The following SND1 variants were observed in gnomAD, a reference collection of about 807,000 sequenced individuals.
SND1 encodes the protein staphylococcal nuclease and tudor domain containing 1, also known as staphylococcal nuclease domain-containing protein 1.
Under a neutral mutation model 121.7 loss-of-function variants are expected in SND1, and 38 were observed. The ratio of observed to expected loss-of-function variants is 0.31; its 90% confidence interval spans 0.24 to 0.41. SND1 has a LOEUF of 0.41. SND1 is among the 10% of genes least tolerant of loss of function. The pLI, the probability that SND1 is intolerant of heterozygous loss-of-function variation, is 1.00. For missense variants in SND1, 868 were observed against 1,184.6 expected (o/e 0.73, Z 3.92); for synonymous variants, 401 against 447.4 (o/e 0.90, Z 1.31).
chr7:127,807,595 C>T (rs1255030488), intron 11 of SND1, 22 bp downstream of exon 11: 5 of 1,586,530 alleles, frequency 3.2e-6, no homozygotes, highest in Admixed American at 3.3e-5. Context: ...ATGACAGAAG[C>T]ATATTTGCAA....
chr7:127,901,822 T>TC (rs1250714853), intron 13 of SND1, among the ~76,000 whole-genome samples: 1 of 152,242 alleles, frequency 6.6e-6, no homozygotes, highest in African/African-American at 2.4e-5. Flanking sequence ...AAAAATTGTC[T>TC]TTGAACGTTT....
chr7:127,672,962 G>C (rs1267742507), intron 1 of SND1, among the ~76,000 whole-genome samples: 1 of 151,916 alleles, frequency 6.6e-6, no homozygotes, highest in Non-Finnish European at 1.5e-5. Flanking sequence ...TACTAGTGTT[G>C]ATAACTGTAA....
At chr7:127,812,494 G>A (rs933282844) in intron 11 of SND1, among the ~76,000 whole-genome samples, 4 of 152,194 alleles carry the variant, frequency 2.6e-5, no homozygotes, top group African/African-American at 9.6e-5. Flanking sequence ...CAATTTTGAA[G>A]CTTGATTTCT....
intron 14 of SND1, among the ~76,000 whole-genome samples, chr7:127,921,566 G>T (rs1393204717): frequency 6.6e-6 from 1 of 152,036 alleles, no homozygotes; most frequent in Non-Finnish European, 1.5e-5. Flanking sequence ...TTGTGTTGTT[G>T]TATATTCTTA....
intron 2 of SND1, among the ~76,000 whole-genome samples, chr7:127,692,285 C>T (rs891201440): frequency 2.1e-4 from 32 of 152,200 alleles, no homozygotes; most frequent in African/African-American, 7.0e-4. Flanking sequence ...CTGAGCAGGC[C>T]GCCAGATTGC....
intron 10 of SND1, among the ~76,000 whole-genome samples, chr7:127,785,174 G>GAGGC (rs1164936737): frequency 1.3e-5 from 2 of 152,166 alleles, no homozygotes; most frequent in Admixed American, 1.3e-4. Context: ...CTCCCACAGT[G>GAGGC]CTGGGATTAT....
chr7:127,821,013 A>G (rs1300642898), intron 11 of SND1, among the ~76,000 whole-genome samples: 1 of 152,164 alleles, frequency 6.6e-6, no homozygotes, highest in Non-Finnish European at 1.5e-5. Flanking sequence ...TTTTTGCTTG[A>G]TGGTTCCAGT....
At chr7:127,758,996 G>T (rs1584551749) in intron 10 of SND1, among the ~76,000 whole-genome samples, 1 of 152,134 alleles carries the variant, frequency 6.6e-6, no homozygotes, top group South Asian at 2.1e-4. Context: ...TGAGGCTACA[G>T]TGAGCTGTGA....
intron 9 of SND1, among the ~76,000 whole-genome samples, chr7:127,715,020 T>A (rs1316078091): frequency 6.6e-6 from 1 of 152,218 alleles, no homozygotes; most frequent in Non-Finnish European, 1.5e-5. Flanking sequence ...TACCCAAAAA[T>A]GGAATTGCTG....
At chr7:127,703,580 C>T (rs993679663) in intron 7 of SND1, among the ~76,000 whole-genome samples, 13 of 152,200 alleles carry the variant, frequency 8.5e-5, no homozygotes, top group South Asian at 2.1e-4. Context: ...GTCGTGGTGG[C>T]GTGCACCTAT....
In SND1 at chr7:127,969,567, T is replaced by C. The variant is rs536005566; in HGVS notation, c.1670-21380T>C. ...GGTGAAATCCCGTCTCTACTAAAAA[T>C]ACAAGAATTAGCCAGGCATGGTGGC... On this transcript the variant is annotated intron_variant, in intron 15 of 23. Coordinates refer to ENST00000354725, the MANE Select transcript of SND1 (RefSeq NM_014390.4). Among the ~76,000 whole-genome samples the C allele has an allele frequency of 4.6e-5, 7 of 152,186 alleles. No homozygotes were observed. The South Asian group carries it at 1.5e-3, about 32-fold the overall frequency.
At chr7:127,945,355 G>A (rs763085855) in intron 15 of SND1, among the ~76,000 whole-genome samples, 1 of 152,100 alleles carries the variant, frequency 6.6e-6, no homozygotes, top group African/African-American at 2.4e-5. Context: ...GCCAGACATG[G>A]TGGCGGGCAC....
chr7:128,011,631 C>T (rs1265985283), intron 16 of SND1, among the ~76,000 whole-genome samples: 3 of 152,212 alleles, frequency 2.0e-5, no homozygotes, highest in African/African-American at 7.2e-5. Context: ...AGGAAAGCTA[C>T]TAATGCCTGG....
intron 10 of SND1, among the ~76,000 whole-genome samples, chr7:127,725,229 C>A (rs1442962797): frequency 2.6e-5 from 4 of 152,016 alleles, no homozygotes; most frequent in Admixed American, 2.6e-4. Context: ...TACTACGTAC[C>A]AGCTGTTACA....
intron 16 of SND1, among the ~76,000 whole-genome samples, chr7:128,056,846 A>G (rs992117483): frequency 6.6e-6 from 1 of 152,208 alleles, no homozygotes; most frequent in African/African-American, 2.4e-5. Context: ...ATAATAATAA[A>G]ACAGAACAAT....
At chr7:127,954,070 C>T (rs1801535065) in intron 15 of SND1, among the ~76,000 whole-genome samples, 1 of 152,116 alleles carries the variant, frequency 6.6e-6, no homozygotes, top group African/African-American at 2.4e-5. Context: ...CAAAGATGGA[C>T]CTGCTGATTG....
rs765413422 is a variant in SND1, at chr7:127,669,999, AT to A, written c.79-16599del. On this transcript the variant is annotated intron_variant, in intron 1 of 23. Coordinates refer to ENST00000354725, the MANE Select transcript of SND1 (RefSeq NM_014390.4). ...TTATGTATTTATTTAACTAATTCTA[AT>A]TTTTTTTTTTTTTTGAGACAGAGTC... Among the ~76,000 whole-genome samples the A allele has an allele frequency of 9.4e-3, 1,354 of 143,580 alleles. 6 individuals are homozygous for A. Among genetic ancestry groups the A allele is most frequent in the Middle Eastern group, 0.026 (7 of 270 alleles). 94.2% of individuals were successfully genotyped at this position (143,580 alleles called of 152,430 possible).
At chr7:127,824,749 T>C (rs976985128) in intron 11 of SND1, among the ~76,000 whole-genome samples, 1 of 152,194 alleles carries the variant, frequency 6.6e-6, no homozygotes, top group Non-Finnish European at 1.5e-5. Context: ...AGCAGTGGAA[T>C]GTCATCATTT....
At chr7:127,810,096 T>C (rs1196536861) in intron 11 of SND1, among the ~76,000 whole-genome samples, 1 of 151,626 alleles carries the variant, frequency 6.6e-6, no homozygotes, top group African/African-American at 2.4e-5. Context: ...GCCCTACTTT[T>C]TCAGTTATGA....
Sources: gnomAD v4.1 joint callset for allele counts (sites outside exome capture counted in the v4.1 genomes callset) on GRCh38, gnomAD v4.1.1 for gene constraint, MANE v1.5 for transcripts, NCBI Gene and HGNC (gene_info 2026-07-23, HGNC 2026-07-21) for gene names.